Variants in RALB observed in about 807,000 individuals in gnomAD.
RALB encodes ras-related protein Ral-B.
In RALB, 16 loss-of-function variants were observed where a neutral mutation model predicts 21.3. The ratio of observed to expected loss-of-function variants is 0.75; its 90% CI spans 0.51 to 1.14. The LOEUF (loss-of-function observed/expected upper bound fraction) is 1.14. Ranked by LOEUF, RALB falls within the 50% of genes most tolerant of loss-of-function variation. The pLI, the probability that RALB is intolerant of heterozygous loss-of-function variation, is 0.00. For synonymous variants in RALB, 93 were observed against 96.1 expected (o/e 0.97, Z 0.19); for missense variants, 161 against 256.2 (o/e 0.63, Z 2.54).
rs758004136 is a variant in RALB, at chr2:120,253,035, G to C, written c.-48+55G>C. ...CGGGGTGGGGCGCGGGCTGGGGAGT[G>C]GGGTACGCCGCACGCCCGCAGCCTC... On this transcript the variant is annotated intron_variant, in intron 1 of 4. Transcript: ENST00000272519. 109 of 944,130 alleles carry C rather than the reference G, an allele frequency of 1.2e-4. No homozygotes were observed. In the Middle Eastern group the frequency reaches 2.2e-3, roughly 19 times the overall value. 58.5% of individuals were successfully genotyped at this position (944,130 alleles called of 1,614,324 possible).
At chr2:120,252,730 C>T, upstream of RALB, 1 of 962,962 alleles carries the variant, frequency 1.0e-6, no homozygotes, top group African/African-American at 1.8e-5. Context: ...AAATCAGCCT[C>T]GGATTGGCTG....
In RALB at chr2:120,293,493, T is replaced by C; in HGVS notation, c.*233T>C. 1 of 300,376 alleles carries C rather than the reference T, an allele frequency of 3.3e-6. No homozygotes were observed. 18.6% of individuals were successfully genotyped at this position (300,376 alleles called of 1,614,324 possible). A position where few individuals can be genotyped will look rare whatever the true frequency, so the allele number is the denominator to read the frequency against. Reference sequence around the variant, plus strand: ...GTTGTGGAATTTCTTTCTTCTCCCCTTCTTCCCTCCCAAAAGCTTAGCTAT... The same window carrying C: ...GTTGTGGAATTTCTTTCTTCTCCCCCTCTTCCCTCCCAAAAGCTTAGCTAT... On this transcript the variant is annotated 3_prime_UTR_variant, in exon 5 of 5. Transcript: ENST00000272519.
intron 1 of RALB, among the ~76,000 whole-genome samples, chr2:120,241,524 G>A (rs1193464784): frequency 4.6e-5 from 7 of 152,148 alleles, no homozygotes; most frequent in Admixed American, 3.3e-4. Flanking sequence ...TCAGGAGTTC[G>A]AGACCAGCCT....
chr2:120,288,588 A>T (rs992304181), intron 3 of RALB, among the ~76,000 whole-genome samples: 1 of 152,164 alleles, frequency 6.6e-6, no homozygotes, highest in African/African-American at 2.4e-5. Flanking sequence ...ATGTATTGGC[A>T]TATAAAAGTA....
At chr2:120,270,545 C>T (rs550314411) in intron 1 of RALB, among the ~76,000 whole-genome samples, 10 of 152,240 alleles carry the variant, frequency 6.6e-5, no homozygotes, top group African/African-American at 1.2e-4. Context: ...CAAAATAGGT[C>T]GTTTCAAAGT....
chr2:120,280,616 T>C (rs1031498556), intron 2 of RALB, among the ~76,000 whole-genome samples: 3 of 151,716 alleles, frequency 2.0e-5, no homozygotes, highest in Non-Finnish European at 2.9e-5. Context: ...GCTTAAAACC[T>C]AGATGATGGG....
At chr2:120,259,235 G>A (rs573985749) in intron 1 of RALB, among the ~76,000 whole-genome samples, 47 of 152,272 alleles carry the variant, frequency 3.1e-4, no homozygotes, top group Middle Eastern at 6.8e-3. Flanking sequence ...ATGCTGGCTC[G>A]GGCAGCCTGC....
chr2:120,252,813 G>A (rs1398826518), upstream of RALB: 3 of 985,544 alleles, frequency 3.0e-6, no homozygotes, highest in African/African-American at 3.5e-5. Flanking sequence ...CGAGAGGAGG[G>A]GTTGCCTAGG....
chr2:120,275,007 G>T (rs982251931), intron 1 of RALB, among the ~76,000 whole-genome samples: 6 of 152,152 alleles, frequency 3.9e-5, no homozygotes, highest in South Asian at 2.1e-4. Context: ...GTTTAGCATT[G>T]CCTGGGCCTC....
chr2:120,285,236 G>A (rs912404317), intron 2 of RALB, among the ~76,000 whole-genome samples: 1 of 152,100 alleles, frequency 6.6e-6, no homozygotes, highest in Admixed American at 6.6e-5. Context: ...CTGTGAGAAC[G>A]AACTCACTAT....
intron 1 of RALB, among the ~76,000 whole-genome samples, chr2:120,242,045 GA>G (rs1688905255): frequency 6.6e-6 from 1 of 152,214 alleles, no homozygotes; most frequent in Non-Finnish European, 1.5e-5. Flanking sequence ...TGGATAAACA[GA>G]GTGTGGCACA....
At chr2:120,283,529 C>G (rs1342556442) in intron 2 of RALB, among the ~76,000 whole-genome samples, 3 of 152,186 alleles carry the variant, frequency 2.0e-5, no homozygotes, top group African/African-American at 7.2e-5. Flanking sequence ...AGTCTTTATT[C>G]TTGTCTAAGT....
At chr2:120,282,676 A>AG (rs1690021617) in intron 2 of RALB, among the ~76,000 whole-genome samples, 1 of 151,994 alleles carries the variant, frequency 6.6e-6, no homozygotes, top group South Asian at 2.1e-4. Context: ...GCCTGGCCTT[A>AG]GTCTGTTTTT....
chr2:120,268,109 A>T (rs149537314), intron 1 of RALB, among the ~76,000 whole-genome samples: 23 of 152,318 alleles, frequency 1.5e-4, no homozygotes, highest in Admixed American at 1.4e-3. Context: ...TTTTAAAAGC[A>T]CTATATGAGC....
intron 1 of RALB, among the ~76,000 whole-genome samples, chr2:120,244,193 C>T (rs1314171753): frequency 6.6e-6 from 1 of 152,224 alleles, no homozygotes; most frequent in Non-Finnish European, 1.5e-5. Flanking sequence ...GATTCAATCA[C>T]CTCCTACCAG....
intron 1 of RALB, among the ~76,000 whole-genome samples, chr2:120,257,871 G>C (rs1355966427): frequency 6.6e-6 from 1 of 152,154 alleles, no homozygotes; most frequent in Non-Finnish European, 1.5e-5. Flanking sequence ...ATGAATTTTA[G>C]CCAATGTGTT....
chr2:120,282,384 A>G (rs1462954212), intron 2 of RALB, among the ~76,000 whole-genome samples: 1 of 152,080 alleles, frequency 6.6e-6, no homozygotes, highest in African/African-American at 2.4e-5. Flanking sequence ...AGGCTGAGGC[A>G]GGAGAATCGC....
At chr2:120,278,059 G>A (rs547342095) in intron 1 of RALB, among the ~76,000 whole-genome samples, 73 of 151,390 alleles carry the variant, frequency 4.8e-4, no homozygotes, top group African/African-American at 1.6e-3. Flanking sequence ...GAATGTGAGC[G>A]TGTGTGAGTG....
upstream of RALB, among the ~76,000 whole-genome samples, chr2:120,250,039 T>C (rs1689030135): frequency 6.6e-6 from 1 of 152,252 alleles, no homozygotes; most frequent in Non-Finnish European, 1.5e-5. Context: ...GGTCCTAGCT[T>C]AAATGTCACT....
Sources: gnomAD v4.1 joint callset for allele counts (sites outside exome capture counted in the v4.1 genomes callset) on GRCh38, gnomAD v4.1.1 for gene constraint, MANE v1.5 for transcripts, NCBI Gene and HGNC (gene_info 2026-07-23, HGNC 2026-07-21) for gene names.